Variants in GABRB2 observed in about 807,000 individuals in gnomAD.
GABRB2 encodes the protein gamma-aminobutyric acid receptor subunit beta-2.
Under a neutral mutation model 54.7 loss-of-function variants are expected in GABRB2, and 16 were observed. The ratio of observed to expected loss-of-function variants is 0.29; its 90% CI spans 0.20 to 0.44. The LOEUF is 0.44. Ranked by LOEUF, GABRB2 falls within the 20% of genes least tolerant of loss-of-function variation. GABRB2 has a pLI of 1.00. For synonymous variants in GABRB2, 244 were observed against 233.8 expected (o/e 1.04, Z -0.40); for missense variants, 355 against 644.0 (o/e 0.55, Z 4.86).
chr5:161,503,941 G>A (rs561009647), intron 3 of GABRB2, among the ~76,000 whole-genome samples: 3 of 151,872 alleles, frequency 2.0e-5, no homozygotes, highest in African/African-American at 4.8e-5. Flanking sequence ...TCTACATAAG[G>A]AACATCTCTA....
intron 3 of GABRB2, among the ~76,000 whole-genome samples, chr5:161,543,384 A>G (rs1760879411): frequency 6.6e-6 from 1 of 152,190 alleles, no homozygotes; most frequent in Admixed American, 6.5e-5. Flanking sequence ...AGGATATAAT[A>G]CCTTTAAGTT....
At chr5:161,359,884 C>T (rs1340708565) in intron 5 of GABRB2, among the ~76,000 whole-genome samples, 1 of 152,062 alleles carries the variant, frequency 6.6e-6, no homozygotes, top group Non-Finnish European at 1.5e-5. Context: ...AGATCAAGAC[C>T]ATGCTGGCCA....
At chr5:161,358,253 G>A (rs984508152) in intron 5 of GABRB2, among the ~76,000 whole-genome samples, 1 of 152,140 alleles carries the variant, frequency 6.6e-6, no homozygotes, top group African/African-American at 2.4e-5. Context: ...GCTCCTGCTA[G>A]AACAGATCAT....
chr5:161,350,169 T>C (rs1754431546), intron 5 of GABRB2, among the ~76,000 whole-genome samples: 1 of 152,072 alleles, frequency 6.6e-6, no homozygotes, highest in Non-Finnish European at 1.5e-5. Flanking sequence ...ATGTCCACTC[T>C]TGTCCCTTCT....
At chr5:161,455,915 A>G (rs906376280) in intron 4 of GABRB2, among the ~76,000 whole-genome samples, 7 of 152,194 alleles carry the variant, frequency 4.6e-5, no homozygotes, top group Admixed American at 1.3e-4. Flanking sequence ...ATAAGCATTG[A>G]TATTTTGCAA....
intron 9 of GABRB2, among the ~76,000 whole-genome samples, chr5:161,303,199 A>G (rs1757587021): frequency 6.6e-6 from 1 of 152,236 alleles, no homozygotes; most frequent in Non-Finnish European, 1.5e-5. Context: ...TTGTAAAACA[A>G]TAATTTAAAC....
At chr5:161,381,808 T>A (rs982861297) in intron 5 of GABRB2, among the ~76,000 whole-genome samples, 9 of 152,152 alleles carry the variant, frequency 5.9e-5, no homozygotes, top group African/African-American at 1.9e-4. Flanking sequence ...TTGCAGTTTA[T>A]AACAAAAGAC....
chr5:161,295,913 T>C (rs890081174), intron 9 of GABRB2, among the ~76,000 whole-genome samples: 5 of 152,190 alleles, frequency 3.3e-5, no homozygotes, highest in African/African-American at 1.2e-4. Context: ...TGAATAAATG[T>C]TATAAAAGAT....
At chr5:161,471,674 T>C (rs536757795) in intron 3 of GABRB2, among the ~76,000 whole-genome samples, 44 of 152,124 alleles carry the variant, frequency 2.9e-4, no homozygotes, top group Non-Finnish European at 5.4e-4. Context: ...GTTCTAAGGA[T>C]TGCTAAAATA....
intron 9 of GABRB2, among the ~76,000 whole-genome samples, chr5:161,299,805 A>T (rs1471409763): frequency 6.6e-6 from 1 of 152,200 alleles, no homozygotes; most frequent in Non-Finnish European, 1.5e-5. Context: ...TCTCATTTAA[A>T]GATCTCAACA....
At chr5:161,412,695 G>A (rs1445140543) in intron 4 of GABRB2, among the ~76,000 whole-genome samples, 1 of 151,578 alleles carries the variant, frequency 6.6e-6, no homozygotes, top group African/African-American at 2.4e-5. Flanking sequence ...AATATCTTTC[G>A]GCCTTCTTAC....
At chr5:161,461,023 T>A (rs1408579145) in intron 3 of GABRB2, among the ~76,000 whole-genome samples, 2 of 152,124 alleles carry the variant, frequency 1.3e-5, no homozygotes, top group Non-Finnish European at 2.9e-5. Context: ...AAGACCTGCT[T>A]GTTTGAGCCA....
rs1758364157 is a variant in GABRB2, at chr5:161,326,412, A to C, written c.1147T>G (p.Ser383Ala). ...TAATTGGTAGTCCGTCTAGTTGGGG[A>C]GAGGTTTCCAGTAGGGTCCCACAAG... ...RSLWDPTGNL[S>A]PTRRTTNYDF... Residue 383 changes from serine (S) to alanine (A), a missense_variant, in exon 9 of 10, where the codon TCC (serine) becomes GCC (alanine). Ser to Ala is a moderately conservative substitution (Grantham distance 99, BLOSUM62 1). This residue lies in a region of GABRB2 where 201 missense variants were observed against 228.1 expected (regional missense o/e 0.88). Coordinates refer to ENST00000393959, the MANE Select transcript of GABRB2 (RefSeq NM_001371727.1). The C allele has an allele frequency of 6.2e-7, 1 of 1,613,628 alleles. No individual in the cohort carries two copies. The highest frequency in any genetic ancestry group is 1.7e-5 in the Admixed American group (1 of 59,996).
intron 9 of GABRB2, among the ~76,000 whole-genome samples, chr5:161,325,468 C>T (rs1424296371): frequency 6.6e-6 from 1 of 151,988 alleles, no homozygotes; most frequent in Non-Finnish European, 1.5e-5. Context: ...GTCCCCTACC[C>T]CAATGGCAAC....
chr5:161,545,197 A>G, intron 3 of GABRB2, 30 bp downstream of exon 3: 1 of 1,561,426 alleles, frequency 6.4e-7, no homozygotes, highest in Middle Eastern at 1.7e-4. Context: ...GAAAGTTTGC[A>G]AAGAAGTAGT....
intron 5 of GABRB2, among the ~76,000 whole-genome samples, chr5:161,409,795 T>C (rs1037735362): frequency 6.6e-6 from 1 of 152,208 alleles, no homozygotes; most frequent in African/African-American, 2.4e-5. Flanking sequence ...CAACATGCAA[T>C]GCTATCTTAA....
Position 161,294,084 on chromosome 5 carries a change from G to T in GABRB2, c.1536C>A (p.Asn512Lys). The T allele has an allele frequency of 6.2e-7, 1 of 1,608,202 alleles. No individual in the cohort carries two copies. The highest frequency in any genetic ancestry group is 8.5e-7 in the Non-Finnish European group (1 of 1,175,200). ...GCTTCCAGTGGGAGGCCATGTTTTAGTTCACATAATAAAGCCAATAGACGA... is the reference window on the plus strand; with the variant it reads ...GCTTCCAGTGGGAGGCCATGTTTTATTTCACATAATAAAGCCAATAGACGA... Reference protein sequence around the residue: ...FNIVYWLYYVN With the variant: ...FNIVYWLYYVK The change falls in exon 10 of 10, where the codon AAC becomes AAA. Residue 512 changes from asparagine (N) to lysine (K), a missense_variant. Asn to Lys is a moderately conservative substitution (Grantham distance 94). This residue lies in a region of GABRB2 where 201 missense variants were observed against 228.1 expected (regional missense o/e 0.88). Coordinates refer to ENST00000393959, the MANE Select transcript of GABRB2 (RefSeq NM_001371727.1).
chr5:161,492,332 T>TA (rs1245770052), intron 3 of GABRB2, among the ~76,000 whole-genome samples: 1 of 151,706 alleles, frequency 6.6e-6, no homozygotes, highest in Non-Finnish European at 1.5e-5. Context: ...ATCTGCCCTC[T>TA]AAATAGCTAC....
At chr5:161,455,308 G>A (rs1052291062) in intron 4 of GABRB2, among the ~76,000 whole-genome samples, 3 of 152,110 alleles carry the variant, frequency 2.0e-5, no homozygotes, top group Non-Finnish European at 4.4e-5. Context: ...CTGGCTATCC[G>A]TGATCATGGA....
Sources: allele counts gnomAD v4.1 joint callset (sites outside exome capture counted in the v4.1 genomes callset), GRCh38; gene constraint gnomAD v4.1.1; regional missense constraint gnomAD v4.1.1; transcripts MANE v1.5; gene names NCBI Gene and HGNC (gene_info 2026-07-23, HGNC 2026-07-21).